The following CNTNAP2 variants were observed in gnomAD, a reference collection of about 807,000 sequenced individuals.
CNTNAP2 encodes the protein contactin associated protein 2.
In CNTNAP2, 98 loss-of-function variants were observed where a neutral mutation model predicts 155.2. The observed-to-expected ratio is 0.63, with a 90% CI of 0.54 to 0.75. CNTNAP2 has a LOEUF of 0.75. Among genes scored for constraint, CNTNAP2 ranks in the 30% least tolerant of loss-of-function variants. CNTNAP2 has a pLI of 0.00. For missense variants in CNTNAP2, 1,727 were observed against 1,688.1 expected (o/e 1.02, Z -0.40); for synonymous variants, 651 against 631.2 (o/e 1.03, Z -0.47).
chr7:146,761,867 G>A (rs1217664150), intron 1 of CNTNAP2, among the ~76,000 whole-genome samples: 1 of 152,026 alleles, frequency 6.6e-6, no homozygotes, highest in African/African-American at 2.4e-5. Flanking sequence ...TTGAAGACAT[G>A]AGGAGAAATG....
chr7:146,566,086 G>A (rs919231602), intron 1 of CNTNAP2, among the ~76,000 whole-genome samples: 1 of 152,218 alleles, frequency 6.6e-6, no homozygotes, highest in Non-Finnish European at 1.5e-5. Context: ...CACCAGGCAG[G>A]TTGCCTGTTG....
At chr7:147,385,594 C>T (rs547124465) in intron 9 of CNTNAP2, among the ~76,000 whole-genome samples, 65 of 152,232 alleles carry the variant, frequency 4.3e-4, no homozygotes, top group Non-Finnish European at 7.5e-4. Flanking sequence ...TGTCCTTTGA[C>T]TTCATGTCTC....
chr7:146,670,311 CGTT>C (rs1800280239), intron 1 of CNTNAP2, among the ~76,000 whole-genome samples: 1 of 152,090 alleles, frequency 6.6e-6, no homozygotes, highest in Non-Finnish European at 1.5e-5. Flanking sequence ...AGCAACTAAA[CGTT>C]GACCTAGGGG....
intron 13 of CNTNAP2, among the ~76,000 whole-genome samples, chr7:147,691,121 C>G (rs1007809741): frequency 2.0e-5 from 3 of 152,006 alleles, no homozygotes; most frequent in Non-Finnish European, 4.4e-5. Context: ...AATCATAGAT[C>G]ACATTAATTC....
chr7:146,573,107 GAC>G (rs987962261), intron 1 of CNTNAP2, among the ~76,000 whole-genome samples: 3 of 152,056 alleles, frequency 2.0e-5, no homozygotes, highest in Non-Finnish European at 4.4e-5. Flanking sequence ...TTTAGAAAAA[GAC>G]ACACAGATGT....
At position 146,791,646 on chromosome 7, in the gene CNTNAP2, G is replaced by T. The variant is rs139939712; in HGVS notation, c.208+17265G>T. Among the ~76,000 whole-genome samples, 440 of 152,270 alleles carry T rather than the reference G, an allele frequency of 2.9e-3. 4 individuals carry two copies. Among genetic ancestry groups the T allele is most frequent in the African/African-American group, 9.8e-3 (406 of 41,562 alleles). ...CAGCTTCACTTTCATGTATTTGTGA[G>T]CTCTTTCTAACTTTTCCTTCCACTG... On this transcript the variant is annotated intron_variant, in intron 2 of 23. Coordinates refer to ENST00000361727, the MANE Select transcript of CNTNAP2 (RefSeq NM_014141.6).
chr7:147,574,761 T>C (rs1278447168), intron 12 of CNTNAP2, among the ~76,000 whole-genome samples: 1 of 152,096 alleles, frequency 6.6e-6, no homozygotes, highest in Non-Finnish European at 1.5e-5. Flanking sequence ...CTGTGTAGTT[T>C]CCACATTCTT....
At chr7:147,303,212 A>G (rs1794975187) in intron 9 of CNTNAP2, among the ~76,000 whole-genome samples, 1 of 152,220 alleles carries the variant, frequency 6.6e-6, no homozygotes, top group South Asian at 2.1e-4. Context: ...CTTTAAGTTC[A>G]CTACTGATAT....
intron 3 of CNTNAP2, among the ~76,000 whole-genome samples, chr7:146,915,179 T>G (rs1470670063): frequency 6.6e-6 from 1 of 152,104 alleles, no homozygotes; most frequent in African/African-American, 2.4e-5. Context: ...ACATGACTGT[T>G]TTTATACCAG....
chr7:146,712,348 C>CTTATGTATACTATATAGTATACATATA, intron 1 of CNTNAP2, among the ~76,000 whole-genome samples: 2 of 126,976 alleles, frequency 1.6e-5, no homozygotes, highest in African/African-American at 6.9e-5. Context: ...GTATACATAT[C>CTTATGTATACTATATAGTATACATATA]TTATGTATAC....
chr7:146,873,742 G>A (rs1795364094), intron 3 of CNTNAP2, among the ~76,000 whole-genome samples: 1 of 152,024 alleles, frequency 6.6e-6, no homozygotes, highest in African/African-American at 2.4e-5. Context: ...AAAGGGAGAG[G>A]CCCAAGGATA....
At chr7:146,196,353 G>A (rs1489840091) in intron 1 of CNTNAP2, among the ~76,000 whole-genome samples, 1 of 152,140 alleles carries the variant, frequency 6.6e-6, no homozygotes, top group African/African-American at 2.4e-5. Context: ...TGTCATAACA[G>A]CAAACAGAGC....
At chr7:148,207,032 T>C (rs1283723945) in intron 18 of CNTNAP2, among the ~76,000 whole-genome samples, 2 of 152,212 alleles carry the variant, frequency 1.3e-5, no homozygotes, top group Non-Finnish European at 2.9e-5. Flanking sequence ...CTGTGTTTGC[T>C]CTGTCTCCCA....
rs1163449756 is a variant in CNTNAP2 at position 148,375,894 on chromosome 7, G to A, written c.3476-7755G>A. Reference sequence around the variant, plus strand: ...CGGGCGCCTGTAATCTCAGCTATTCGGGAGGCTGATGCAGAGAATTGCTTG... The same window carrying A: ...CGGGCGCCTGTAATCTCAGCTATTCAGGAGGCTGATGCAGAGAATTGCTTG... On this transcript the variant is annotated intron_variant, in intron 21 of 23. Transcript: ENST00000361727. Among the ~76,000 whole-genome samples the A allele has an allele frequency of 8.6e-5, 5 of 58,072 alleles. 2 individuals are homozygous for A. The highest frequency in any genetic ancestry group is 5.0e-4 in the Admixed American group (2 of 3,962). The allele number at this position is 58,072 out of a possible 152,430, so 38.1% of individuals were successfully genotyped here.
At chr7:148,100,370 C>T (rs41498044) in intron 15 of CNTNAP2, among the ~76,000 whole-genome samples, 15,259 of 152,204 alleles carry the variant, frequency 0.1, 2,059 homozygotes, top group African/African-American at 0.31. Flanking sequence ...GGCTTCTAGA[C>T]ATTAGTCCTT....
chr7:146,719,847 G>A (rs772042873), intron 1 of CNTNAP2, among the ~76,000 whole-genome samples: 1 of 151,846 alleles, frequency 6.6e-6, no homozygotes, highest in South Asian at 2.1e-4. Flanking sequence ...ATAATAATCC[G>A]ATAAATGTCC....
chr7:146,642,315 C>G (rs1414909572), intron 1 of CNTNAP2, among the ~76,000 whole-genome samples: 3 of 115,256 alleles, frequency 2.6e-5, no homozygotes, highest in African/African-American at 6.5e-5. Flanking sequence ...CCCCTCCCCC[C>G]ACCCCACAAC....
intron 17 of CNTNAP2, among the ~76,000 whole-genome samples, chr7:148,159,090 C>T (rs1428802905): frequency 6.6e-6 from 1 of 152,174 alleles, no homozygotes; most frequent in African/African-American, 2.4e-5. Flanking sequence ...ACGCTTCCCT[C>T]TCATGTTTTT....
chr7:147,503,979 A>C (rs1798863440), intron 11 of CNTNAP2, among the ~76,000 whole-genome samples: 1 of 152,176 alleles, frequency 6.6e-6, no homozygotes, highest in South Asian at 2.1e-4. Flanking sequence ...TAAGGAAGAT[A>C]TTTTATTTTT....
Sources: gnomAD v4.1 joint callset for allele counts (sites outside exome capture counted in the v4.1 genomes callset) on GRCh38, gnomAD v4.1.1 for gene constraint, MANE v1.5 for transcripts, NCBI Gene and HGNC (gene_info 2026-07-23, HGNC 2026-07-21) for gene names.